The following LRRC49 variants were observed in gnomAD, a reference collection of about 807,000 sequenced individuals.
The protein encoded by LRRC49 is leucine rich repeat containing 49.
A neutral mutation model predicts 83.3 loss-of-function variants in LRRC49; 50 were observed. The observed-to-expected ratio is 0.60, with a 90% CI of 0.48 to 0.76. The LOEUF (loss-of-function observed/expected upper bound fraction) is 0.76, where lower values mean the gene tolerates loss of function less well. Ranked by LOEUF, LRRC49 falls within the 30% of genes least tolerant of loss-of-function variation. The pLI is 0.00. For synonymous variants in LRRC49, 286 were observed against 283.3 expected, an observed-to-expected ratio of 1.01 and a Z score of -0.10; for missense variants, 704 against 809.1, an observed-to-expected ratio of 0.87 and a Z score of 1.58.
intron 8 of LRRC49, among the ~76,000 whole-genome samples, chr15:70,961,868 G>C (rs1198020186): frequency 6.6e-6 from 1 of 152,140 alleles, no homozygotes; most frequent in Non-Finnish European, 1.5e-5. Flanking sequence ...CAATTAAAAA[G>C]TAAGCCTTAA....
chr15:70,883,036 G>T, intron 2 of LRRC49: 1 of 835,494 alleles, frequency 1.2e-6, no homozygotes, highest in Non-Finnish European at 1.8e-6. Context: ...GCTGATATTT[G>T]AACCTAGGCA....
intron 11 of LRRC49, among the ~76,000 whole-genome samples, chr15:70,989,136 A>G (rs1330495426): frequency 6.6e-6 from 1 of 151,926 alleles, no homozygotes; most frequent in Non-Finnish European, 1.5e-5. Flanking sequence ...CTTCTCGAGG[A>G]GTATCTTTGT....
chr15:71,023,763 GC>G (rs2039068733), intron 14 of LRRC49, among the ~76,000 whole-genome samples: 1 of 152,220 alleles, frequency 6.6e-6, no homozygotes, highest in South Asian at 2.1e-4. Flanking sequence ...CAAGCACAGA[GC>G]TGTGCAGATT....
intron 7 of LRRC49, among the ~76,000 whole-genome samples, chr15:70,921,917 A>G (rs532314634): frequency 6.6e-6 from 1 of 152,300 alleles, no homozygotes; most frequent in South Asian, 2.1e-4. Flanking sequence ...TTATTTACCA[A>G]TCTTTGTTTT....
At chr15:70,897,262 T>G (rs2033876356) in intron 3 of LRRC49, among the ~76,000 whole-genome samples, 1 of 152,144 alleles carries the variant, frequency 6.6e-6, no homozygotes. Flanking sequence ...GGAAATAGTA[T>G]GGATGTATTG....
chr15:70,892,034 C>T (rs200277721), upstream of LRRC49: 113 of 1,613,406 alleles, frequency 7.0e-5, 1 homozygote, highest in Middle Eastern at 3.3e-4. Context: ...TGCCACCAGC[C>T]TCAGGCGCTG....
chr15:70,959,298 G>A (rs536217242), intron 8 of LRRC49, among the ~76,000 whole-genome samples: 1 of 152,094 alleles, frequency 6.6e-6, no homozygotes, highest in African/African-American at 2.4e-5. Flanking sequence ...TTCAAGACCA[G>A]CCTGGCCATG....
At chr15:71,018,081 G>A (rs1353890922) in intron 14 of LRRC49, among the ~76,000 whole-genome samples, 1 of 151,954 alleles carries the variant, frequency 6.6e-6, no homozygotes, top group African/African-American at 2.4e-5. Context: ...GAAAGATTGA[G>A]GTAAATCTCC....
intron 14 of LRRC49, among the ~76,000 whole-genome samples, chr15:71,036,958 T>C (rs187966323): frequency 2.9e-4 from 44 of 152,332 alleles, no homozygotes; most frequent in African/African-American, 1.0e-3. Context: ...AGACGTATTT[T>C]CATTGATGAT....
chr15:71,000,360 T>G (rs1342002092), intron 11 of LRRC49, among the ~76,000 whole-genome samples: 2 of 152,224 alleles, frequency 1.3e-5, no homozygotes, highest in Non-Finnish European at 2.9e-5. Context: ...AATTTCAAGA[T>G]TAATGTCATT....
chr15:70,952,601 C>T (rs2036258060), intron 8 of LRRC49, among the ~76,000 whole-genome samples: 1 of 152,030 alleles, frequency 6.6e-6, no homozygotes, highest in Admixed American at 6.5e-5. Context: ...AGAATGTATA[C>T]TTTCTTGTTG....
chr15:70,985,237 G>T lies in LRRC49; in HGVS notation c.1169+980G>T, dbSNP rs368638968. Reference sequence around the variant, plus strand: ...TCCACAATGGTTGAACTAGTTTACCGTCCCACCAACAGTGTAAAAGTGTTC... The same window carrying T: ...TCCACAATGGTTGAACTAGTTTACCTTCCCACCAACAGTGTAAAAGTGTTC... On this transcript the variant is annotated intron_variant, in intron 11 of 15. Coordinates refer to ENST00000260382, the MANE Select transcript of LRRC49 (RefSeq NM_017691.5). Among the ~76,000 whole-genome samples the T allele has an allele frequency of 5.3e-3, 802 of 150,656 alleles. 2 individuals are homozygous for T. Among genetic ancestry groups the T allele is most frequent in the Non-Finnish European group, 8.0e-3 (544 of 67,636 alleles).
intron 11 of LRRC49, among the ~76,000 whole-genome samples, chr15:70,987,305 A>G (rs539686868): frequency 6.6e-6 from 1 of 152,262 alleles, no homozygotes; most frequent in East Asian, 1.9e-4. Flanking sequence ...TATTGCCACA[A>G]TTTCAGCTCC....
chr15:70,971,209 CTTT>C (rs758817206), intron 9 of LRRC49, among the ~76,000 whole-genome samples: 7 of 152,276 alleles, frequency 4.6e-5, no homozygotes, highest in Admixed American at 3.9e-4. Flanking sequence ...CAAAGAACTT[CTTT>C]ATTTCTCCCT....
chr15:70,854,240 C>T (rs2032588171), intron 1 of LRRC49: 2 of 230,212 alleles, frequency 8.7e-6, no homozygotes, highest in Non-Finnish European at 1.4e-5. Flanking sequence ...CCGCCCCGCG[C>T]CGCCGCCGCC....
At chr15:70,933,516 T>C (rs1224304238) in intron 7 of LRRC49, among the ~76,000 whole-genome samples, 3 of 152,190 alleles carry the variant, frequency 2.0e-5, no homozygotes, top group African/African-American at 7.2e-5. Flanking sequence ...CTTTCTTACA[T>C]TATCCCTAAC....
intron 8 of LRRC49, among the ~76,000 whole-genome samples, chr15:70,962,771 C>G (rs1388540680): frequency 6.6e-6 from 1 of 152,088 alleles, no homozygotes; most frequent in East Asian, 1.9e-4. Flanking sequence ...TGAGTTCAGA[C>G]TCTGTGTCCT....
At chr15:70,932,852 C>A (rs2035461122) in intron 7 of LRRC49, among the ~76,000 whole-genome samples, 1 of 151,784 alleles carries the variant, frequency 6.6e-6, no homozygotes, top group Non-Finnish European at 1.5e-5. Flanking sequence ...GTCTCAGCCT[C>A]CCAAGTAGCT....
intron 14 of LRRC49, among the ~76,000 whole-genome samples, chr15:71,027,164 T>C (rs1378971703): frequency 6.6e-6 from 1 of 152,230 alleles, no homozygotes; most frequent in African/African-American, 2.4e-5. Flanking sequence ...TGCATATGGC[T>C]AGCCAGTTTT....
Sources: allele counts gnomAD v4.1 joint callset (sites outside exome capture counted in the v4.1 genomes callset), GRCh38; gene constraint gnomAD v4.1.1; transcripts MANE v1.5; gene names NCBI Gene and HGNC (gene_info 2026-07-23, HGNC 2026-07-21).